Variants in USP13 observed in about 807,000 individuals in gnomAD.
USP13 encodes ubiquitin specific peptidase 13.
Under a neutral mutation model 107.8 loss-of-function variants are expected in USP13, and 68 were observed. The ratio of observed to expected loss-of-function variants is 0.63; its 90% confidence interval spans 0.52 to 0.77. The LOEUF is 0.77. Among genes scored for constraint, USP13 ranks in the 30% least tolerant of loss-of-function variants. USP13 has a pLI of 0.00. For missense variants in USP13, 945 were observed against 1,093.3 expected, an observed-to-expected ratio of 0.86 and a Z score of 1.91; for synonymous variants, 377 against 389.5, an observed-to-expected ratio of 0.97 and a Z score of 0.38.
At chr3:179,655,977 A>G (rs902883771) in intron 1 of USP13, among the ~76,000 whole-genome samples, 1 of 152,246 alleles carries the variant, frequency 6.6e-6, no homozygotes, top group Non-Finnish European at 1.5e-5. Flanking sequence ...CATTGGTGCT[A>G]AACACGCCAG....
intron 19 of USP13, among the ~76,000 whole-genome samples, chr3:179,766,129 G>A (rs1371616275): frequency 1.3e-5 from 2 of 152,042 alleles, no homozygotes; most frequent in Admixed American, 6.5e-5. Flanking sequence ...ACAGGCATGT[G>A]CCACCACACC....
chr3:179,774,351 TGTGA>T (rs1173127497), intron 19 of USP13, among the ~76,000 whole-genome samples: 1 of 152,180 alleles, frequency 6.6e-6, no homozygotes, highest in Non-Finnish European at 1.5e-5. Flanking sequence ...GGACCCTCCC[TGTGA>T]GTGTTACAGT....
intron 6 of USP13, 64 bp downstream of exon 6, chr3:179,709,021 T>C: frequency 6.5e-7 from 1 of 1,540,140 alleles, no homozygotes; most frequent in Admixed American, 2.0e-5. Flanking sequence ...AACCAATCCC[T>C]GAATCCAGGT....
intron 1 of USP13, among the ~76,000 whole-genome samples, chr3:179,675,709 G>A (rs935581941): frequency 6.6e-6 from 1 of 151,954 alleles, no homozygotes; most frequent in South Asian, 2.1e-4. Flanking sequence ...CGCCACGCCT[G>A]GCTAATTTTT....
chr3:179,788,681 A>C lies in USP13; in HGVS notation c.*4540A>C, dbSNP rs1478752760. On this transcript the variant is annotated 3_prime_UTR_variant, in exon 21 of 21. Transcript: ENST00000263966. The stretch of plus-strand genomic sequence containing the variant: ...TTCACCCATTTTTATTTTTTTAAAA[A>C]TGTGGCCCCTAAAGAACTTCAAATT... 6.6e-6 allele frequency: 1 copy of C among 152,170 alleles called. No homozygotes were observed. Among genetic ancestry groups the C allele is most frequent in the African/African-American group, 2.4e-5 (1 of 41,454 alleles). The allele number at this position is 152,170 out of a possible 1,614,324, so 9.4% of individuals were successfully genotyped here. A position where few individuals can be genotyped will look rare whatever the true frequency, so the allele number is the denominator to read the frequency against.
At chr3:179,661,702 T>G (rs1417296722) in intron 1 of USP13, among the ~76,000 whole-genome samples, 6 of 152,194 alleles carry the variant, frequency 3.9e-5, no homozygotes. Flanking sequence ...AGCTGGATAT[T>G]GCCTGTAGGT....
At position 179,653,190 on chromosome 3, in the gene USP13, GGCTCGGCTC is replaced by G; in HGVS notation, c.-26_-18del. 7.8e-7 allele frequency: 1 copy of G among 1,287,724 alleles called. No homozygotes were observed. The highest frequency in any genetic ancestry group is 2.3e-5 in the South Asian group (1 of 42,716). 79.8% of individuals were successfully genotyped at this position (1,287,724 alleles called of 1,614,324 possible). A position where few individuals can be genotyped will look rare whatever the true frequency, so the allele number is the denominator to read the frequency against. ...CCGGCAGACCCCGCGCTCCGGCTCC[GGCTCGGCTC>G]GCTCGGCTCCGGTGCGCGCCGAGGC... On this transcript the variant is annotated 5_prime_UTR_variant, in exon 1 of 21. Coordinates refer to ENST00000263966, the MANE Select transcript of USP13 (RefSeq NM_003940.3). This position sits in a 1 kb window ranked among gnomAD's most constrained non-coding sequence, Gnocchi z 4.0.
chr3:179,697,352 C>T (rs969925880), intron 3 of USP13, among the ~76,000 whole-genome samples: 1 of 152,132 alleles, frequency 6.6e-6, no homozygotes, highest in Non-Finnish European at 1.5e-5. Context: ...TTGGACAGAT[C>T]GCTTACCTCC....
chr3:179,694,530 C>T (rs923891952), intron 3 of USP13, among the ~76,000 whole-genome samples: 14 of 151,334 alleles, frequency 9.3e-5, no homozygotes, highest in African/African-American at 2.9e-4. Flanking sequence ...AGGCCGGGCG[C>T]GGTGGCTCAT....
intron 1 of USP13, among the ~76,000 whole-genome samples, chr3:179,676,438 T>C (rs538967183): frequency 2.6e-5 from 4 of 152,272 alleles, no homozygotes; most frequent in East Asian, 3.9e-4. Context: ...GGCTGGTTAA[T>C]GAGAGGATGA....
chr3:179,663,489 A>G (rs1720509348), intron 1 of USP13, among the ~76,000 whole-genome samples: 1 of 152,122 alleles, frequency 6.6e-6, no homozygotes, highest in African/African-American at 2.4e-5. Context: ...TCAGTCACCA[A>G]ATTCTGGTAT....
Position 179,701,067 on chromosome 3 carries a change from C to G in USP13, c.415C>G (p.Leu139Val). Residue 139 changes from leucine (L) to valine (V), a missense_variant, in exon 4 of 21, where the codon CTT becomes GTT. Coordinates refer to ENST00000263966, the MANE Select transcript of USP13 (RefSeq NM_003940.3). ...DDYEYEDEAK[L>V]VIFPDHYEIA... is the part of the protein sequence containing the mutation. ...TTATGAATATGAAGATGAAGCCAAACTTGTTATATTCCCAGATCACTATGA... is the reference window on the plus strand; with the variant it reads ...TTATGAATATGAAGATGAAGCCAAAGTTGTTATATTCCCAGATCACTATGA... 2 of 1,614,010 alleles carry G rather than the reference C, an allele frequency of 1.2e-6. No individual in the cohort carries two copies. The highest frequency in any genetic ancestry group is 1.7e-6 in the Non-Finnish European group (2 of 1,180,002).
At chr3:179,715,469 A>G (rs1158353726) in intron 6 of USP13, among the ~76,000 whole-genome samples, 1 of 150,516 alleles carries the variant, frequency 6.6e-6, no homozygotes, top group Non-Finnish European at 1.5e-5. Flanking sequence ...GGTTCAAGCA[A>G]TTCTCCTGCC....
intron 8 of USP13, among the ~76,000 whole-genome samples, chr3:179,723,750 A>G (rs1713413256): frequency 6.6e-6 from 1 of 152,152 alleles, no homozygotes; most frequent in South Asian, 2.1e-4. Context: ...TCACCCTTTG[A>G]CCAAATATCA....
At chr3:179,749,460 A>G (rs1714519947) in intron 13 of USP13, among the ~76,000 whole-genome samples, 1 of 152,238 alleles carries the variant, frequency 6.6e-6, no homozygotes, top group Non-Finnish European at 1.5e-5. Flanking sequence ...TAGAAATAAA[A>G]GAATAAGCTG....
intron 13 of USP13, among the ~76,000 whole-genome samples, chr3:179,748,830 T>C (rs1190717891): frequency 6.6e-6 from 1 of 152,196 alleles, no homozygotes; most frequent in Non-Finnish European, 1.5e-5. Flanking sequence ...TAGAACTTAT[T>C]GGTATGCAAC....
intron 3 of USP13, among the ~76,000 whole-genome samples, chr3:179,693,958 C>T (rs764090941): frequency 1.1e-4 from 16 of 150,636 alleles, no homozygotes; most frequent in South Asian, 8.4e-4. Flanking sequence ...GGATTACAGG[C>T]GTGAACCACC....
At chr3:179,776,139 A>G (rs1443554781) in intron 19 of USP13, among the ~76,000 whole-genome samples, 5 of 152,182 alleles carry the variant, frequency 3.3e-5, no homozygotes, top group Non-Finnish European at 7.3e-5. Context: ...TAGTGAGATG[A>G]ACTAAGTTCA....
intron 4 of USP13, among the ~76,000 whole-genome samples, chr3:179,701,892 C>A (rs1327262021): frequency 6.6e-6 from 1 of 152,200 alleles, no homozygotes; most frequent in Non-Finnish European, 1.5e-5. Flanking sequence ...TCGATTCTCG[C>A]GTGCTGGAAG....
Sources: gnomAD v4.1 joint callset for allele counts (sites outside exome capture counted in the v4.1 genomes callset) on GRCh38, gnomAD v4.1.1 for gene constraint, Gnocchi (gnomAD v3.1) non-coding constraint, MANE v1.5 for transcripts, NCBI Gene and HGNC (gene_info 2026-07-23, HGNC 2026-07-21) for gene names.